The following RGS6 variants were observed in gnomAD, a reference collection of about 807,000 sequenced individuals.
RGS6 encodes regulator of G-protein signaling 6.
RGS6 carries 30 observed loss-of-function variants against 78.5 expected under a neutral mutation model. That is an observed-to-expected ratio of 0.38 (90% CI 0.29 to 0.52). The LOEUF is 0.52. RGS6 is among the 20% of genes least tolerant of loss of function. The pLI is 0.85. For missense variants in RGS6, 495 were observed against 609.7 expected (o/e 0.81, Z 1.98); for synonymous variants, 206 against 206.0 (o/e 1.00, Z 0.00).
At chr14:72,055,217 T>C (rs11158939) in intron 2 of RGS6, among the ~76,000 whole-genome samples, 111,352 of 152,072 alleles carry the variant, frequency 0.73, 41,047 homozygotes, top group East Asian at 0.89. Context: ...GAAAGCGCTT[T>C]CAGGGTCGCT....
intron 17 of RGS6, chr14:72,541,634 ATCTC>A: frequency 1.3e-6 from 2 of 1,534,698 alleles, no homozygotes; most frequent in Non-Finnish European, 1.7e-6. Flanking sequence ...GTGGGATCCC[ATCTC>A]TCTCTGTTTG....
chr14:72,202,934 G>A (rs779444646), intron 2 of RGS6, among the ~76,000 whole-genome samples: 19 of 151,964 alleles, frequency 1.3e-4, no homozygotes, highest in Non-Finnish European at 2.2e-4. Flanking sequence ...GTGCAGTGGC[G>A]CCATCTCTGC....
chr14:72,333,339 C>A (rs1328024734), intron 2 of RGS6, among the ~76,000 whole-genome samples: 1 of 152,190 alleles, frequency 6.6e-6, no homozygotes, highest in Admixed American at 6.5e-5. Context: ...GCAGTCAGCT[C>A]CTGCCTGAGT....
intron 2 of RGS6, among the ~76,000 whole-genome samples, chr14:72,207,763 C>A (rs1198384509): frequency 6.6e-6 from 1 of 152,164 alleles, no homozygotes; most frequent in East Asian, 1.9e-4. Context: ...TTTTTGCCAC[C>A]CAATAGGCAC....
chr14:72,300,980 C>T (rs541443850), intron 2 of RGS6, among the ~76,000 whole-genome samples: 3 of 152,088 alleles, frequency 2.0e-5, no homozygotes, highest in South Asian at 2.1e-4. Flanking sequence ...TGTTGTAGTT[C>T]GCAGAACTTT....
intron 1 of RGS6, among the ~76,000 whole-genome samples, chr14:71,944,602 G>T (rs1021713969): frequency 2.0e-5 from 3 of 152,210 alleles, no homozygotes; most frequent in Non-Finnish European, 4.4e-5. Context: ...AGATGATGAA[G>T]ACAGTAAGCA....
chr14:72,154,507 T>TGG (rs563765011), intron 2 of RGS6, among the ~76,000 whole-genome samples: 122 of 151,866 alleles, frequency 8.0e-4, no homozygotes, highest in South Asian at 1.7e-3. Context: ...TCCCTCTGTT[T>TGG]GGGGGGGGTC....
At chr14:72,044,889 C>T (rs1179890628) in intron 2 of RGS6, among the ~76,000 whole-genome samples, 1 of 151,162 alleles carries the variant, frequency 6.6e-6, no homozygotes, top group Non-Finnish European at 1.5e-5. Context: ...CAAAAAAAAC[C>T]AAACTAACAA....
chr14:71,976,954 C>G (rs1192186919), intron 2 of RGS6, among the ~76,000 whole-genome samples: 2 of 129,250 alleles, frequency 1.5e-5, no homozygotes, highest in African/African-American at 5.5e-5. Flanking sequence ...GATTGCCATT[C>G]TAACTGGTGT....
intron 2 of RGS6, among the ~76,000 whole-genome samples, chr14:72,286,919 G>T (rs148640248): frequency 0.058 from 8,864 of 152,156 alleles, 351 homozygotes; most frequent in Middle Eastern, 0.15. Context: ...AAGTAGCTGG[G>T]ATTATAGGCA....
chr14:72,626,929 T>C, the RGS6 span, among the ~76,000 whole-genome samples: 1 of 151,980 alleles, frequency 6.6e-6, no homozygotes, highest in Non-Finnish European at 1.5e-5. Flanking sequence ...TTTGAACTTT[T>C]TTTTTTTTTT....
intron 2 of RGS6, among the ~76,000 whole-genome samples, chr14:72,318,062 C>A (rs1276994222): frequency 1.3e-5 from 2 of 152,142 alleles, no homozygotes; most frequent in Admixed American, 1.3e-4. Context: ...GGCTGCCCCA[C>A]CCCAACACCC....
intron 3 of RGS6, among the ~76,000 whole-genome samples, chr14:72,391,189 C>T (rs977964276): frequency 6.6e-6 from 1 of 152,212 alleles, no homozygotes; most frequent in African/African-American, 2.4e-5. Context: ...CTTCTACAGA[C>T]ACTAATTTAT....
chr14:72,562,524 C>G lies in RGS6; in HGVS notation c.*57C>G. On this transcript the variant is annotated 3_prime_UTR_variant, in exon 18 of 18. Transcript: ENST00000553525. ...CGCGGACCCCACAGGCAGGCGGCGGCGCTCCACATCTGCGGACAGAGTTTC... is the reference window on the plus strand; with the variant it reads ...CGCGGACCCCACAGGCAGGCGGCGGGGCTCCACATCTGCGGACAGAGTTTC... 3 of 1,603,452 alleles carry G rather than the reference C, an allele frequency of 1.9e-6. No homozygotes were observed. The highest frequency in any genetic ancestry group is 1.7e-6 in the Non-Finnish European group (2 of 1,178,880).
At chr14:72,339,208 C>T (rs542171571) in intron 2 of RGS6, among the ~76,000 whole-genome samples, 1 of 152,142 alleles carries the variant, frequency 6.6e-6, no homozygotes, top group South Asian at 2.1e-4. Flanking sequence ...GTGATTAGGT[C>T]ATTAGTGTTC....
At chr14:72,407,637 A>G (rs1326538976) in intron 3 of RGS6, among the ~76,000 whole-genome samples, 1 of 152,238 alleles carries the variant, frequency 6.6e-6, no homozygotes, top group Non-Finnish European at 1.5e-5. Flanking sequence ...AGAGGCTTCT[A>G]AAGCCCCCTT....
chr14:72,289,298 GCATT>G (rs1047442825), intron 2 of RGS6, among the ~76,000 whole-genome samples: 7 of 151,688 alleles, frequency 4.6e-5, no homozygotes, highest in African/African-American at 9.7e-5. Flanking sequence ...TACAAAGTTA[GCATT>G]CATTCATTCA....
intron 3 of RGS6, among the ~76,000 whole-genome samples, chr14:72,409,719 C>T (rs1045861784): frequency 6.6e-6 from 1 of 152,104 alleles, no homozygotes; most frequent in Non-Finnish European, 1.5e-5. Context: ...CCCTCTCCCC[C>T]AACCCCACAA....
intron 2 of RGS6, among the ~76,000 whole-genome samples, chr14:72,162,997 A>G (rs964825057): frequency 1.6e-4 from 24 of 152,186 alleles, no homozygotes; most frequent in African/African-American, 5.1e-4. Context: ...GAGCTAAGCT[A>G]TGAGGATGCA....
Sources: allele counts gnomAD v4.1 joint callset (sites outside exome capture counted in the v4.1 genomes callset), GRCh38; gene constraint gnomAD v4.1.1; transcripts MANE v1.5; gene names NCBI Gene and HGNC (gene_info 2026-07-23, HGNC 2026-07-21).